Variants in OPCML observed in about 807,000 individuals in gnomAD.
OPCML encodes opioid-binding protein/cell adhesion molecule.
In OPCML, 13 loss-of-function variants were observed where a neutral mutation model predicts 37.8. That is an observed-to-expected ratio of 0.34 (90% CI 0.22 to 0.55). The LOEUF is 0.55. Among genes scored for constraint, OPCML ranks in the 20% least tolerant of loss-of-function variants. OPCML has a pLI of 0.91. For synonymous variants in OPCML, 176 were observed against 168.8 expected, an observed-to-expected ratio of 1.04 and a Z score of -0.33; for missense variants, 341 against 435.6, an observed-to-expected ratio of 0.78 and a Z score of 1.93.
intron 1 of OPCML, among the ~76,000 whole-genome samples, chr11:132,955,352 C>T (rs76245153): frequency 0.026 from 4,004 of 152,152 alleles, 177 homozygotes; most frequent in African/African-American, 0.092. Flanking sequence ...GGTCAAAACA[C>T]TTCCCTCTCT....
At chr11:133,069,101 A>C (rs2137005205) in intron 1 of OPCML, among the ~76,000 whole-genome samples, 1 of 152,314 alleles carries the variant, frequency 6.6e-6, no homozygotes, top group East Asian at 1.9e-4. Flanking sequence ...ACGGTGTAGT[A>C]AAAAGAACGC....
At chr11:133,482,884 C>T (rs912395602) in intron 1 of OPCML, among the ~76,000 whole-genome samples, 12 of 151,626 alleles carry the variant, frequency 7.9e-5, no homozygotes, top group Non-Finnish European at 1.6e-4. Context: ...CTTAAACAAA[C>T]GCCCAAAATG....
intron 1 of OPCML, among the ~76,000 whole-genome samples, chr11:132,969,700 CCT>C (rs1328334508): frequency 6.6e-6 from 1 of 151,930 alleles, no homozygotes; most frequent in Non-Finnish European, 1.5e-5. Context: ...TTACTGAGCC[CCT>C]CTCATAATTT....
chr11:133,311,476 A>G (rs1943066223), intron 1 of OPCML, among the ~76,000 whole-genome samples: 1 of 152,218 alleles, frequency 6.6e-6, no homozygotes. Context: ...TAAAAGCAAA[A>G]TGCTCAGCTG....
chr11:132,883,892 T>C, intron 2 of OPCML, among the ~76,000 whole-genome samples: 1 of 152,324 alleles, frequency 6.6e-6, no homozygotes, highest in East Asian at 1.9e-4. Context: ...CTTCAGTTTC[T>C]GTTTAAGCTC....
chr11:132,570,789 ATATATATATATATT>A (rs1421392750), intron 3 of OPCML, among the ~76,000 whole-genome samples: 26 of 124,272 alleles, frequency 2.1e-4, no homozygotes, highest in African/African-American at 3.7e-4. Flanking sequence ...ATATATATAT[ATATATATATATATT>A]TAGAGAGAGA....
intron 2 of OPCML, among the ~76,000 whole-genome samples, chr11:132,782,888 A>G (rs1000948333): frequency 2.1e-5 from 3 of 144,600 alleles, no homozygotes; most frequent in Non-Finnish European, 4.5e-5. Context: ...ATAACTATAT[A>G]TAAAATATGT....
At position 132,704,071 on chromosome 11, in the gene OPCML, T is replaced by C. The variant is rs550997145; in HGVS notation, c.147-46752A>G. On this transcript the variant is annotated intron_variant, in intron 2 of 7. Transcript: ENST00000524381. ...TGCAGTCTACTTGGAAAGGCCTGTG[T>C]CCTGTGTCTGTTGGAGTTTGAAGCC... 3.5e-4 allele frequency among the ~76,000 whole-genome samples: 54 copies of C among 152,280 alleles called. No homozygotes were observed. The South Asian group carries it at 0.011, about 30-fold the overall frequency.
intron 1 of OPCML, among the ~76,000 whole-genome samples, chr11:133,203,901 A>G (rs910405745): frequency 6.6e-6 from 1 of 151,922 alleles, no homozygotes; most frequent in African/African-American, 2.4e-5. Context: ...TACTAAAAAT[A>G]CAGAAAATTA....
At chr11:132,711,249 A>ACACT (rs1819897929) in intron 2 of OPCML, among the ~76,000 whole-genome samples, 1 of 152,214 alleles carries the variant, frequency 6.6e-6, no homozygotes, top group African/African-American at 2.4e-5. Flanking sequence ...GCAAGCGAGG[A>ACACT]CACTCAATTA....
At chr11:133,409,794 G>T (rs1201667784) in intron 1 of OPCML, among the ~76,000 whole-genome samples, 1 of 152,104 alleles carries the variant, frequency 6.6e-6, no homozygotes, top group African/African-American at 2.4e-5. Context: ...AGGTACCACA[G>T]AACACAGGTA....
intron 2 of OPCML, among the ~76,000 whole-genome samples, chr11:132,877,710 T>C (rs975406475): frequency 6.6e-6 from 1 of 152,174 alleles, no homozygotes; most frequent in African/African-American, 2.4e-5. Flanking sequence ...GTATATTCAC[T>C]AGTACTCTAC....
intron 1 of OPCML, among the ~76,000 whole-genome samples, chr11:133,260,787 C>T (rs1179876864): frequency 6.6e-6 from 1 of 152,220 alleles, no homozygotes; most frequent in African/African-American, 2.4e-5. Flanking sequence ...ATGACCACAT[C>T]TGGAATCCAC....
chr11:133,418,271 G>A, intron 1 of OPCML: 2 of 985,372 alleles, frequency 2.0e-6, no homozygotes, highest in Non-Finnish European at 2.4e-6. Flanking sequence ...CACCATTCTA[G>A]AGTGACATGG....
chr11:133,088,707 T>C (rs773272098), intron 1 of OPCML, among the ~76,000 whole-genome samples: 2 of 152,196 alleles, frequency 1.3e-5, no homozygotes, highest in Non-Finnish European at 2.9e-5. Flanking sequence ...AGTGGAACAA[T>C]AGAATTATAC....
intron 1 of OPCML, among the ~76,000 whole-genome samples, chr11:133,268,042 C>G (rs1398333447): frequency 6.6e-6 from 1 of 152,168 alleles, no homozygotes; most frequent in African/African-American, 2.4e-5. Context: ...TCTGTGTGAT[C>G]TCAGCCTCCC....
At chr11:132,592,089 G>A (rs1353808770) in intron 3 of OPCML, among the ~76,000 whole-genome samples, 3 of 152,230 alleles carry the variant, frequency 2.0e-5, no homozygotes, top group Non-Finnish European at 1.5e-5. Flanking sequence ...AAACAGAGTT[G>A]TTTCCAAATA....
chr11:133,412,655 C>T (rs1295419435), intron 1 of OPCML, among the ~76,000 whole-genome samples: 1 of 152,190 alleles, frequency 6.6e-6, no homozygotes, highest in African/African-American at 2.4e-5. Flanking sequence ...CCTATCCTCT[C>T]TTCATACACG....
At chr11:132,936,261 T>A (rs910101824) in intron 2 of OPCML, among the ~76,000 whole-genome samples, 4 of 152,192 alleles carry the variant, frequency 2.6e-5, no homozygotes, top group Non-Finnish European at 5.9e-5. Flanking sequence ...AAGTTTTCTC[T>A]GTCCTCTACA....
Sources: gnomAD v4.1 joint callset for allele counts (sites outside exome capture counted in the v4.1 genomes callset) on GRCh38, gnomAD v4.1.1 for gene constraint, MANE v1.5 for transcripts, NCBI Gene and HGNC (gene_info 2026-07-23, HGNC 2026-07-21) for gene names.